Variants in TIAM2 observed in about 807,000 individuals in gnomAD.
TIAM2 encodes rho guanine nucleotide exchange factor TIAM2.
In TIAM2, 80 loss-of-function variants were observed where a neutral mutation model predicts 152.9. The observed-to-expected ratio is 0.52, with a 90% CI of 0.44 to 0.63. The LOEUF (loss-of-function observed/expected upper bound fraction) is 0.63. TIAM2 is among the 30% of genes least tolerant of loss of function. The pLI, the probability that TIAM2 is intolerant of heterozygous loss-of-function variation, is 0.00. For missense variants in TIAM2, 1,965 were observed against 2,120.1 expected (o/e 0.93, Z 1.44); for synonymous variants, 804 against 838.0 (o/e 0.96, Z 0.70).
In TIAM2 at chr6:155,253,018, T is replaced by C. The variant is rs1256431354; in HGVS notation, c.4190T>C (p.Ile1397Thr). ...DPFKFRWLIPISALQVRLGNP... is the reference protein window; with the variant it reads ...DPFKFRWLIPTSALQVRLGNP... ...TTTAAATTCCGCTGGTTGATCCCCA[T>C]CTCCGCGCTTCAAGTCAGACTGGGG... The change falls in exon 24 of 27, where the codon ATC becomes ACC. Residue 1397 changes from isoleucine (I) to threonine (T), a missense_variant. By Grantham distance (89) the Ile-to-Thr change is moderately conservative. Transcript: ENST00000682666. The C allele has an allele frequency of 1.9e-6, 3 of 1,614,064 alleles. No individual in the cohort carries two copies. The highest frequency in any genetic ancestry group is 1.3e-5 in the African/African-American group (1 of 74,984).
intron 7 of TIAM2, among the ~76,000 whole-genome samples, chr6:155,164,133 G>GTTTTTTTTTTTTGTTTTTT (rs375238178): frequency 8.5e-6 from 1 of 118,006 alleles, no homozygotes; most frequent in Non-Finnish European, 1.7e-5. Context: ...TAATTTTTGT[G>GTTTTTTTTTTTTGTTTTTT]TTTTTTTTTT....
At chr6:155,034,045 C>CT (rs11333263) in intron 1 of TIAM2, among the ~76,000 whole-genome samples, 19 of 146,098 alleles carry the variant, frequency 1.3e-4, no homozygotes, top group African/African-American at 3.3e-4. Context: ...TGTTGCTTAC[C>CT]TTTTTTTTTT....
chr6:155,024,430 T>C (rs1055948116), intron 1 of TIAM2, among the ~76,000 whole-genome samples: 3 of 152,040 alleles, frequency 2.0e-5, no homozygotes, highest in African/African-American at 7.2e-5. Context: ...TTTTTTTCCC[T>C]GAGAGTGTCA....
intron 1 of TIAM2, among the ~76,000 whole-genome samples, chr6:155,082,697 T>TAAAC (rs913210396): frequency 3.3e-5 from 5 of 151,492 alleles, no homozygotes; most frequent in African/African-American, 9.7e-5. Flanking sequence ...AATAAATAAA[T>TAAAC]AAATAAATAA....
intron 1 of TIAM2, among the ~76,000 whole-genome samples, chr6:155,028,605 T>TTATATATACTACATATATATACTGTTA (rs1776693939): frequency 1.0e-4 from 11 of 105,536 alleles, no homozygotes; most frequent in Non-Finnish European, 1.9e-4. Flanking sequence ...ATATACTGTG[T>TTATATATACTACATATATATACTGTTA]TATATATACT....
chr6:155,163,899 G>C (rs902626045), intron 7 of TIAM2, among the ~76,000 whole-genome samples: 10 of 151,622 alleles, frequency 6.6e-5, no homozygotes, highest in Admixed American at 5.9e-4. Flanking sequence ...GGGACCACCA[G>C]CTTTTTGTTT....
chr6:155,100,221 T>C (rs1397554890), intron 2 of TIAM2, among the ~76,000 whole-genome samples: 1 of 152,222 alleles, frequency 6.6e-6, no homozygotes, highest in Non-Finnish European at 1.5e-5. Context: ...CTGTGAGACC[T>C]TGACTCACAG....
At chr6:155,108,990 G>GT (rs1378624117) in intron 2 of TIAM2, among the ~76,000 whole-genome samples, 2 of 151,764 alleles carry the variant, frequency 1.3e-5, no homozygotes, top group African/African-American at 4.8e-5. Context: ...TTTCTTTTTT[G>GT]TTTTTTGTTT....
intron 15 of TIAM2, among the ~76,000 whole-genome samples, chr6:155,228,941 C>G (rs528998111): frequency 6.6e-6 from 1 of 152,274 alleles, no homozygotes; most frequent in South Asian, 2.1e-4. Context: ...TCTGACCTGC[C>G]TTCCTGGGCA....
chr6:155,180,937 G>A (rs936670179), intron 12 of TIAM2, among the ~76,000 whole-genome samples: 1 of 152,102 alleles, frequency 6.6e-6, no homozygotes, highest in Non-Finnish European at 1.5e-5. Flanking sequence ...TTCCTTTGAA[G>A]CCCTCTTAGC....
Position 155,222,017 on chromosome 6 carries a change from G to A in TIAM2, c.3168+10710G>A, listed in dbSNP as rs186213382. 3.4e-3 allele frequency among the ~76,000 whole-genome samples: 513 copies of A among 151,920 alleles called. 2 individuals are homozygous for A. Among genetic ancestry groups the A allele is most frequent in the Non-Finnish European group, 5.7e-3 (390 of 67,952 alleles). ...TGCCCAGGCTGGAGTGCAGTGGCGC[G>A]ATCTTGGTTCACTGTAGCCTCTGCC... is the stretch of plus-strand genomic sequence containing the variant. On this transcript the variant is annotated intron_variant, in intron 15 of 26. Transcript: ENST00000682666.
intron 2 of TIAM2, among the ~76,000 whole-genome samples, chr6:155,096,259 G>A (rs1165159177): frequency 6.6e-6 from 1 of 152,154 alleles, no homozygotes; most frequent in Non-Finnish European, 1.5e-5. Context: ...TCTGGGGTAT[G>A]AATGGTAATT....
Position 155,129,826 on chromosome 6 carries a change from A to G in TIAM2, c.603A>G (p.Ser201=). Residue 201 remains serine (S), a synonymous_variant, in exon 4 of 27, where the codon TCA becomes TCG. Transcript: ENST00000682666. The surrounding 1 kb of genome is among the most constrained non-coding windows in gnomAD (Gnocchi z 4.8). ...CSEPVQLLRY[S]PTLASETSPV... ...AGCCGGTGCAGCTGCTGAGGTACTC[A>G]CCTACCTTAGCATCGGAAACCTCCC... 1 of 1,613,548 alleles carries G rather than the reference A, an allele frequency of 6.2e-7. No homozygotes were observed. Among genetic ancestry groups the G allele is most frequent in the South Asian group, 1.1e-5 (1 of 91,072 alleles).
At chr6:155,128,149 T>A (rs1348739441) in intron 3 of TIAM2, among the ~76,000 whole-genome samples, 1 of 152,226 alleles carries the variant, frequency 6.6e-6, no homozygotes, top group Non-Finnish European at 1.5e-5. Context: ...GAGTCTAATA[T>A]TAAGTTTTTC....
At chr6:155,250,433 C>A in intron 21 of TIAM2, 2 of 837,882 alleles carry the variant, frequency 2.4e-6, no homozygotes, top group Non-Finnish European at 1.8e-6. Context: ...CTCAAGCCAG[C>A]ATGCAGGAAG....
chr6:155,017,600 T>C lies in TIAM2; in HGVS notation c.-209+22108T>C, dbSNP rs563163522. 3.4e-5 allele frequency among the ~76,000 whole-genome samples: 5 copies of C among 147,452 alleles called. No individual in the cohort carries two copies. In the East Asian group the frequency reaches 1.0e-3, roughly 30 times the overall value. ...CTCATTGCAACCTCCGCCTCCTGGG[T>C]TCAAGCTATACTCCTGCCTCAGCCT... On this transcript the variant is annotated intron_variant, in intron 1 of 26. Coordinates refer to ENST00000682666, the MANE Select transcript of TIAM2 (RefSeq NM_012454.4).
chr6:155,078,127 C>T (rs762007545), intron 1 of TIAM2, among the ~76,000 whole-genome samples: 23 of 152,028 alleles, frequency 1.5e-4, no homozygotes, highest in East Asian at 1.9e-4. Context: ...GGTGCAGTCA[C>T]GGCTCCTCCT....
intron 9 of TIAM2, among the ~76,000 whole-genome samples, chr6:155,165,640 T>C (rs1583224541): frequency 6.6e-6 from 1 of 151,976 alleles, no homozygotes; most frequent in Non-Finnish European, 1.5e-5. Context: ...TCTCTACAAA[T>C]AGCCGAGTGT....
chr6:155,228,136 G>C (rs1242399708), intron 15 of TIAM2, among the ~76,000 whole-genome samples: 1 of 152,206 alleles, frequency 6.6e-6, no homozygotes, highest in Non-Finnish European at 1.5e-5. Context: ...GGGCAGAGCT[G>C]TCCTAAGCAA....
Sources: gnomAD v4.1 joint callset for allele counts (sites outside exome capture counted in the v4.1 genomes callset) on GRCh38, gnomAD v4.1.1 for gene constraint, Gnocchi (gnomAD v3.1) non-coding constraint, MANE v1.5 for transcripts, NCBI Gene and HGNC (gene_info 2026-07-23, HGNC 2026-07-21) for gene names.